Variants in PCDH7 observed in about 807,000 individuals in gnomAD.
PCDH7 encodes the protein protocadherin-7.
Under a neutral mutation model 58.9 loss-of-function variants are expected in PCDH7, and 17 were observed. The observed-to-expected ratio is 0.29, with a 90% confidence interval of 0.20 to 0.43. PCDH7 has a LOEUF of 0.43. PCDH7 is among the 20% of genes least tolerant of loss of function. The pLI is 1.00. For missense variants in PCDH7, 1,274 were observed against 1,441.0 expected, an observed-to-expected ratio of 0.88 and a Z score of 1.88; for synonymous variants, 664 against 616.4, an observed-to-expected ratio of 1.08 and a Z score of -1.14.
intron 2 of PCDH7, chr4:30,926,039 G>A (rs143543092): frequency 6.6e-6 from 1 of 152,228 alleles, no homozygotes; most frequent in African/African-American, 2.4e-5. Flanking sequence ...CAAATCATAG[G>A]ATTGCAGAAG....
chr4:30,824,079 T>TTCTC (rs1728715087), intron 1 of PCDH7, among the ~76,000 whole-genome samples: 1 of 91,490 alleles, frequency 1.1e-5, no homozygotes, highest in African/African-American at 3.8e-5. Context: ...GCGGGGTTTC[T>TTCTC]TTTCTTTCTT....
At chr4:31,030,871 C>A (rs1409239866) in intron 3 of PCDH7, among the ~76,000 whole-genome samples, 1 of 152,090 alleles carries the variant, frequency 6.6e-6, no homozygotes, top group Non-Finnish European at 1.5e-5. Context: ...TGTTGATGAT[C>A]ATAATTTTGT....
rs1741025619 is a variant in PCDH7, at chr4:30,906,978, ATGCCAC to A, written c.71-13171_71-13166del. 2.0e-5 allele frequency among the ~76,000 whole-genome samples: 3 copies of A among 152,126 alleles called. No individual in the cohort carries two copies. The South Asian group carries it at 6.2e-4, about 32-fold the overall frequency. ...GTGGAGGTTGCAGTGACCCAAGATC[ATGCCAC>A]TGCACTCTAGCCTGGGTGACAGAGT... is the stretch of plus-strand genomic sequence containing the variant. On this transcript the variant is annotated intron_variant, in intron 1 of 3. Coordinates refer to the PCDH7 transcript ENST00000509759.
intron 3 of PCDH7, among the ~76,000 whole-genome samples, chr4:31,099,792 C>G (rs1016508801): frequency 6.6e-6 from 1 of 151,976 alleles, no homozygotes; most frequent in African/African-American, 2.4e-5. Context: ...GATGACAACC[C>G]GAAATATACA....
At chr4:30,781,937 G>T (rs1045384582) in intron 1 of PCDH7, among the ~76,000 whole-genome samples, 1 of 152,150 alleles carries the variant, frequency 6.6e-6, no homozygotes, top group Non-Finnish European at 1.5e-5. Flanking sequence ...CTTTGTGTGT[G>T]TGTATACTCT....
intron 3 of PCDH7, among the ~76,000 whole-genome samples, chr4:31,131,783 T>A (rs1403352120): frequency 2.6e-5 from 4 of 152,206 alleles, no homozygotes; most frequent in African/African-American, 9.6e-5. Flanking sequence ...ATGATTTGAA[T>A]ATATTATCTT....
At chr4:31,093,038 G>A (rs552917620) in intron 3 of PCDH7, among the ~76,000 whole-genome samples, 18 of 152,142 alleles carry the variant, frequency 1.2e-4, no homozygotes, top group East Asian at 3.9e-4. Flanking sequence ...AAGAGTGTGC[G>A]TCTGCATCTA....
chr4:30,979,809 C>A (rs994484578), intron 3 of PCDH7, among the ~76,000 whole-genome samples: 1 of 152,018 alleles, frequency 6.6e-6, no homozygotes, highest in African/African-American at 2.4e-5. Context: ...GAATTGTATT[C>A]TTAATTTCCT....
chr4:30,971,956 C>T (rs1052017572), intron 3 of PCDH7, among the ~76,000 whole-genome samples: 2 of 151,868 alleles, frequency 1.3e-5, no homozygotes, highest in African/African-American at 4.8e-5. Context: ...ATGAGACTGT[C>T]TCAAAAAAAT....
chr4:30,739,867 C>T (rs960555701), intron 1 of PCDH7, among the ~76,000 whole-genome samples: 4 of 152,034 alleles, frequency 2.6e-5, no homozygotes, highest in African/African-American at 7.3e-5. Flanking sequence ...AAGTTTCTTC[C>T]TTCGTGGAGT....
chr4:30,773,677 C>T (rs1296486934), intron 1 of PCDH7, among the ~76,000 whole-genome samples: 1 of 152,110 alleles, frequency 6.6e-6, no homozygotes, highest in Non-Finnish European at 1.5e-5. Flanking sequence ...ATTTTATTTT[C>T]ATTACCATAT....
At chr4:30,869,446 C>G (rs1735270174) in intron 1 of PCDH7, among the ~76,000 whole-genome samples, 1 of 151,976 alleles carries the variant, frequency 6.6e-6, no homozygotes, top group Non-Finnish European at 1.5e-5. Context: ...ACCCCACCCA[C>G]TGAAAGGCCC....
chr4:30,833,738 C>T (rs968882908), intron 1 of PCDH7, among the ~76,000 whole-genome samples: 3 of 152,120 alleles, frequency 2.0e-5, no homozygotes, highest in Non-Finnish European at 2.9e-5. Flanking sequence ...CATCTGAACA[C>T]GAGAGAGATC....
intron 1 of PCDH7, among the ~76,000 whole-genome samples, chr4:30,803,394 A>T (rs1361034426): frequency 6.6e-6 from 1 of 152,198 alleles, no homozygotes; most frequent in Admixed American, 6.5e-5. Context: ...AACAATAGAA[A>T]CAACAAAAGC....
intron 3 of PCDH7, among the ~76,000 whole-genome samples, chr4:31,050,651 A>G (rs902827047): frequency 6.6e-6 from 1 of 152,140 alleles, no homozygotes; most frequent in Non-Finnish European, 1.5e-5. Context: ...CTGAAATGAT[A>G]TTTATACTAA....
chr4:30,870,955 T>G (rs1735503253), intron 1 of PCDH7, among the ~76,000 whole-genome samples: 3 of 152,156 alleles, frequency 2.0e-5, no homozygotes, highest in Non-Finnish European at 2.9e-5. Flanking sequence ...GTGCAATACT[T>G]AGCAGTTGTT....
intron 1 of PCDH7, among the ~76,000 whole-genome samples, chr4:30,883,779 T>G (rs1390944369): frequency 6.6e-6 from 1 of 152,166 alleles, no homozygotes; most frequent in Non-Finnish European, 1.5e-5. Flanking sequence ...AGAGCTATTG[T>G]GTCAGGGAGG....
At chr4:30,887,584 T>A (rs1463554251) in intron 1 of PCDH7, among the ~76,000 whole-genome samples, 1 of 152,178 alleles carries the variant, frequency 6.6e-6, no homozygotes, top group Non-Finnish European at 1.5e-5. Flanking sequence ...AAAAATACAT[T>A]TCTTCTAATT....
At position 30,874,293 on chromosome 4, in the gene PCDH7, C is replaced by T. The variant is rs534712148; in HGVS notation, c.71-45860C>T. The stretch of plus-strand genomic sequence containing the variant: ...CACAATAGCAAAGACTTGGAACCAA[C>T]CCAAACGTCCAACAATGATAGACTG... On this transcript the variant is annotated intron_variant, in intron 1 of 3. Coordinates refer to the PCDH7 transcript ENST00000509759. Among the ~76,000 whole-genome samples, 495 of 152,036 alleles carry T rather than the reference C, an allele frequency of 3.3e-3. 1 individual carries two copies. The highest frequency in any genetic ancestry group is 5.2e-3 in the Non-Finnish European group (351 of 67,972).
Sources: gnomAD v4.1 joint callset for allele counts (sites outside exome capture counted in the v4.1 genomes callset) on GRCh38, gnomAD v4.1.1 for gene constraint, MANE v1.5 for transcripts, NCBI Gene and HGNC (gene_info 2026-07-23, HGNC 2026-07-21) for gene names.